Variants in FRMD3 observed in about 807,000 individuals in gnomAD.
The protein encoded by FRMD3 is FERM domain containing 3.
FRMD3 carries 33 observed loss-of-function variants against 70.2 expected under a neutral mutation model. The ratio of observed to expected loss-of-function variants is 0.47; its 90% CI spans 0.36 to 0.63. The LOEUF (loss-of-function observed/expected upper bound fraction) is 0.63, where lower values mean the gene tolerates loss of function less well. Among genes scored for constraint, FRMD3 ranks in the 20% least tolerant of loss-of-function variants. FRMD3 has a pLI of 0.00. For missense variants in FRMD3, 632 were observed against 711.4 expected (o/e 0.89, Z 1.27); for synonymous variants, 279 against 255.9 (o/e 1.09, Z -0.86).
chr9:83,500,486 C>T (rs1829038140), intron 1 of FRMD3, among the ~76,000 whole-genome samples: 1 of 139,030 alleles, frequency 7.2e-6, no homozygotes, highest in African/African-American at 2.7e-5. Context: ...GCATAGAGTG[C>T]TTGGCGTGTA....
chr9:83,541,198 C>T (rs369988856), upstream of FRMD3, among the ~76,000 whole-genome samples: 1 of 152,224 alleles, frequency 6.6e-6, no homozygotes, highest in East Asian at 1.9e-4. Context: ...GATTCAGTCA[C>T]ACCCTAGGAG....
chr9:83,410,569 C>T lies in FRMD3; in HGVS notation c.148-20861G>A, dbSNP rs574690112. ...CCACTGATGGTCACCTGGGTTGATT[C>T]CATGTCTTTGCTATTGTGAGAATAG... On this transcript the variant is annotated intron_variant, in intron 1 of 13. Transcript: ENST00000304195. Among the ~76,000 whole-genome samples, 5 of 152,270 alleles carry T rather than the reference C, an allele frequency of 3.3e-5. No individual in the cohort carries two copies. The South Asian group carries it at 1.0e-3, about 32-fold the overall frequency.
At chr9:83,360,787 T>C (rs1824556644) in intron 3 of FRMD3, among the ~76,000 whole-genome samples, 4 of 152,204 alleles carry the variant, frequency 2.6e-5, no homozygotes. Context: ...TAGAAATCTA[T>C]GGCTTGTCAA....
At chr9:83,532,463 T>C (rs1217684181) in intron 1 of FRMD3, among the ~76,000 whole-genome samples, 1 of 152,200 alleles carries the variant, frequency 6.6e-6, no homozygotes, top group Non-Finnish European at 1.5e-5. Flanking sequence ...GTTCTAGAAT[T>C]TGATCATACA....
intron 1 of FRMD3, among the ~76,000 whole-genome samples, chr9:83,511,865 C>T (rs1020139748): frequency 9.9e-5 from 15 of 152,218 alleles, no homozygotes; most frequent in African/African-American, 3.6e-4. Context: ...GGTGCCTAGT[C>T]TGCTCCCGAC....
At chr9:83,433,871 C>A (rs1827054183) in intron 1 of FRMD3, among the ~76,000 whole-genome samples, 1 of 152,210 alleles carries the variant, frequency 6.6e-6, no homozygotes, top group African/African-American at 2.4e-5. Context: ...ACAGATGAAG[C>A]TTCACTTGAT....
At chr9:83,580,496 T>C in the FRMD3 span, among the ~76,000 whole-genome samples, 1 of 152,206 alleles carries the variant, frequency 6.6e-6, no homozygotes, top group Admixed American at 6.5e-5. Context: ...GTATACTAAG[T>C]GAAATAAGCC....
intron 1 of FRMD3, among the ~76,000 whole-genome samples, chr9:83,453,538 A>C (rs1390120626): frequency 6.6e-6 from 1 of 152,206 alleles, no homozygotes; most frequent in East Asian, 1.9e-4. Context: ...TCTAATGAAA[A>C]TTTAGCATCC....
chr9:83,533,229 C>T (rs934159734), intron 1 of FRMD3, among the ~76,000 whole-genome samples: 2 of 152,130 alleles, frequency 1.3e-5, no homozygotes, highest in African/African-American at 2.4e-5. Flanking sequence ...AAATTGCTAA[C>T]CTCTTTGAAT....
intron 1 of FRMD3, among the ~76,000 whole-genome samples, chr9:83,448,546 C>T (rs1827547999): frequency 6.6e-6 from 1 of 152,080 alleles, no homozygotes; most frequent in African/African-American, 2.4e-5. Context: ...CAGGGGTGGC[C>T]AATACAGGTA....
chr9:83,372,600 G>A (rs948926547), intron 3 of FRMD3, among the ~76,000 whole-genome samples: 39 of 151,838 alleles, frequency 2.6e-4, no homozygotes, highest in Admixed American at 1.3e-3. Flanking sequence ...TAATCAAAAG[G>A]AACCAGGTAC....
chr9:83,402,791 G>A (rs1825984398), intron 1 of FRMD3, among the ~76,000 whole-genome samples: 1 of 151,642 alleles, frequency 6.6e-6, no homozygotes, highest in African/African-American at 2.4e-5. Context: ...ATTAAAGAGA[G>A]CCTACGGTCT....
intron 3 of FRMD3, among the ~76,000 whole-genome samples, chr9:83,356,527 C>G (rs1221263596): frequency 6.6e-6 from 1 of 151,608 alleles, no homozygotes; most frequent in African/African-American, 2.4e-5. Context: ...CCGCCCACCT[C>G]GGCCTCCCAA....
intron 1 of FRMD3, among the ~76,000 whole-genome samples, chr9:83,430,722 G>A (rs985179750): frequency 3.3e-5 from 5 of 151,942 alleles, no homozygotes; most frequent in African/African-American, 7.3e-5. Flanking sequence ...CCATATCTTC[G>A]ATGTTTAAAA....
chr9:83,383,465 C>T (rs1434773111), intron 2 of FRMD3, among the ~76,000 whole-genome samples: 1 of 152,182 alleles, frequency 6.6e-6, no homozygotes. Context: ...GTTTTTATTT[C>T]TCCAAGTCAT....
chr9:83,246,504 G>A lies in FRMD3; in HGVS notation c.*1414C>T. ...TAGGGTCATGTCACTACTTTACCCA[G>A]GCTGAACTGGTATGTCATCTCATGA... On this transcript the variant is annotated 3_prime_UTR_variant, in exon 14 of 14. Transcript: ENST00000304195. 2 of 985,224 alleles carry A rather than the reference G, an allele frequency of 2.0e-6. No homozygotes were observed. The highest frequency in any genetic ancestry group is 2.4e-6 in the Non-Finnish European group (2 of 829,884). 61.0% of individuals were successfully genotyped at this position (985,224 alleles called of 1,614,324 possible). A position where few individuals can be genotyped will look rare whatever the true frequency, so the allele number is the denominator to read the frequency against.
chr9:83,479,900 A>G (rs1440241133), intron 1 of FRMD3, among the ~76,000 whole-genome samples: 3 of 152,000 alleles, frequency 2.0e-5, no homozygotes, highest in African/African-American at 7.2e-5. Context: ...GTGAGATATC[A>G]CTTTAAATGA....
intron 1 of FRMD3, among the ~76,000 whole-genome samples, chr9:83,447,225 A>C (rs1289866914): frequency 6.6e-6 from 1 of 152,090 alleles, no homozygotes; most frequent in Admixed American, 6.5e-5. Flanking sequence ...GGGTTTCATC[A>C]TGTTGGCTAG....
chr9:83,558,848 G>A, the FRMD3 span, among the ~76,000 whole-genome samples: 1 of 152,248 alleles, frequency 6.6e-6, no homozygotes, highest in Non-Finnish European at 1.5e-5. Context: ...TTCAGTGGAG[G>A]AAGTAACTGC....
Sources: gnomAD v4.1 joint callset for allele counts (sites outside exome capture counted in the v4.1 genomes callset) on GRCh38, gnomAD v4.1.1 for gene constraint, MANE v1.5 for transcripts, NCBI Gene and HGNC (gene_info 2026-07-23, HGNC 2026-07-21) for gene names.